MYOM1: variants seen among roughly 807,000 people sequenced by gnomAD.
MYOM1 encodes myomesin-1.
A neutral mutation model predicts 205.3 loss-of-function variants in MYOM1; 164 were observed. The ratio of observed to expected loss-of-function variants is 0.80; its 90% CI spans 0.70 to 0.91. The LOEUF is 0.91. MYOM1 is among the 40% of genes least tolerant of loss of function. The pLI is 0.00. For missense variants in MYOM1, 2,011 were observed against 2,127.3 expected (o/e 0.95, Z 1.08); for synonymous variants, 772 against 789.4 (o/e 0.98, Z 0.37).
chr18:3,238,604 G>C, the MYOM1 span, among the ~76,000 whole-genome samples: 1 of 152,102 alleles, frequency 6.6e-6, no homozygotes, highest in Non-Finnish European at 1.5e-5. Context: ...TTTGTGATAC[G>C]GTACATTAGT....
chr18:3,111,583 TTAAA>T (rs1432898222), intron 22 of MYOM1, among the ~76,000 whole-genome samples: 2 of 152,188 alleles, frequency 1.3e-5, no homozygotes, highest in African/African-American at 2.4e-5. Flanking sequence ...TTTTATATTT[TTAAA>T]TAGTTGAAAA....
the MYOM1 span, among the ~76,000 whole-genome samples, chr18:3,229,136 C>A: frequency 1.3e-5 from 2 of 152,222 alleles, no homozygotes; most frequent in Non-Finnish European, 2.9e-5. Flanking sequence ...TTTATCACCT[C>A]TCTGTGACTT....
chr18:3,074,762 T>C (rs1358018109), intron 36 of MYOM1, among the ~76,000 whole-genome samples: 1 of 152,178 alleles, frequency 6.6e-6, no homozygotes, highest in East Asian at 1.9e-4. Context: ...CAAGTTACAG[T>C]GAATTACTTG....
chr18:3,169,347 C>G (rs1312956428), intron 8 of MYOM1, among the ~76,000 whole-genome samples: 1 of 152,204 alleles, frequency 6.6e-6, no homozygotes, highest in Admixed American at 6.5e-5. Flanking sequence ...TTAAACTCTA[C>G]TGCTTGTACT....
rs1055683085 is a variant in MYOM1, at chr18:3,174,346, C to T, written c.1023-138G>A. ...ACATGGCTCTTTGGTTCTCCTGGTA[C>T]AGCTATTTGTCTCTGATCTAGCTAC... On this transcript the variant is annotated intron_variant, in intron 6 of 37. Transcript: ENST00000356443. 10 of 694,034 alleles carry T rather than the reference C, an allele frequency of 1.4e-5. No individual in the cohort carries two copies. In the Admixed American group the frequency reaches 2.2e-4, roughly 15 times the overall value. The allele number at this position is 694,034 out of a possible 1,614,324, so 43.0% of individuals were successfully genotyped here. A position where few individuals can be genotyped will look rare whatever the true frequency, so the allele number is the denominator to read the frequency against.
At chr18:3,104,978 A>C (rs1215901906) in intron 22 of MYOM1, among the ~76,000 whole-genome samples, 1 of 151,932 alleles carries the variant, frequency 6.6e-6, no homozygotes, top group Non-Finnish European at 1.5e-5. Flanking sequence ...CAAACTCCTG[A>C]GCTCAAGTGA....
At chr18:3,160,837 C>T (rs1440309338) in intron 10 of MYOM1, among the ~76,000 whole-genome samples, 1 of 152,154 alleles carries the variant, frequency 6.6e-6, no homozygotes, top group Admixed American at 6.6e-5. Flanking sequence ...AATTGGAACA[C>T]CTTCGCCCCA....
chr18:3,095,849 G>A (rs746349773), intron 25 of MYOM1, among the ~76,000 whole-genome samples: 1 of 152,170 alleles, frequency 6.6e-6, no homozygotes, highest in Non-Finnish European at 1.5e-5. Flanking sequence ...GGCAGCAAGG[G>A]CAGAGGCTAA....
the MYOM1 span, chr18:3,246,843 AG>A: frequency 6.6e-6 from 1 of 152,232 alleles, no homozygotes; most frequent in East Asian, 1.9e-4. Context: ...CAGAGAGCTG[AG>A]GGGGCCAGAA....
chr18:3,117,096 G>C (rs1381810842), intron 20 of MYOM1, among the ~76,000 whole-genome samples: 2 of 152,252 alleles, frequency 1.3e-5, no homozygotes, highest in South Asian at 4.1e-4. Flanking sequence ...GGTTCAAGTG[G>C]TTCTTCTGCC....
intron 1 of MYOM1, 88 bp from the exon 2 acceptor site, chr18:3,215,339 C>G: frequency 9.1e-7 from 1 of 1,094,082 alleles, no homozygotes; most frequent in Non-Finnish European, 1.3e-6. Context: ...AAAATCAATA[C>G]TCTTGGCTGG....
At chr18:3,193,716 T>C (rs1185836087) in intron 3 of MYOM1, 102 bp downstream of exon 3, 1 of 1,247,532 alleles carries the variant, frequency 8.0e-7, no homozygotes, top group Non-Finnish European at 1.1e-6. Flanking sequence ...AGCTGCTATT[T>C]CTATAATCTG....
At chr18:3,137,338 A>C (rs776241209) in intron 14 of MYOM1, among the ~76,000 whole-genome samples, 1 of 152,202 alleles carries the variant, frequency 6.6e-6, no homozygotes, top group African/African-American at 2.4e-5. Context: ...ATCCAAAAGA[A>C]AGAAAATCAG....
chr18:3,238,452 G>A, the MYOM1 span, among the ~76,000 whole-genome samples: 2 of 151,420 alleles, frequency 1.3e-5, no homozygotes, highest in Non-Finnish European at 2.9e-5. Context: ...GAAATTTCAT[G>A]TTATGTACAT....
chr18:3,188,958 G>A lies in MYOM1; in HGVS notation c.561C>T (p.Ser187=), dbSNP rs1292897280. ...GITTSKQSTA[S]KQTTASKQST... The stretch of plus-strand genomic sequence containing the variant: ...ACTGCTTAGATGCCGTGGTCTGCTT[G>A]GATGCCGTGGACTGTTTAGATGTTG... The change falls in exon 4 of 38, where the codon TCC becomes TCT. Residue 187 remains serine (S), a synonymous_variant. Transcript: ENST00000356443. 1 of 1,612,382 alleles carries A rather than the reference G, an allele frequency of 6.2e-7. No individual in the cohort carries two copies. The highest frequency in any genetic ancestry group is 8.5e-7 in the Non-Finnish European group (1 of 1,179,386).
upstream of MYOM1, chr18:3,219,991 C>A (rs1486529980): frequency 6.6e-6 from 1 of 152,210 alleles, no homozygotes; most frequent in Non-Finnish European, 1.5e-5. This position sits in a 1 kb window ranked among gnomAD's most constrained non-coding sequence, Gnocchi z 4.4. Flanking sequence ...ACACAACCAG[C>A]CTTTTATGGC....
chr18:3,214,353 G>C (rs6506085), intron 2 of MYOM1, among the ~76,000 whole-genome samples: 129,909 of 152,162 alleles, frequency 0.85, 55,757 homozygotes, highest in African/African-American at 0.96. Context: ...GGCAAAATTT[G>C]CCTGCTCTTA....
chr18:3,228,495 T>C, the MYOM1 span, among the ~76,000 whole-genome samples: 13,205 of 151,836 alleles, frequency 0.087, 644 homozygotes, highest in African/African-American at 0.13. The surrounding 1 kb of genome is among the most constrained non-coding windows in gnomAD (Gnocchi z 4.5). Context: ...TGTGTTACTT[T>C]TACAAAAATC....
chr18:3,090,923 T>G (rs2079217649), intron 26 of MYOM1, 121 bp from the exon 27 acceptor site: 4 of 1,238,902 alleles, frequency 3.2e-6, no homozygotes. Context: ...TGTTCATGCC[T>G]GTAATCCCAG....
Sources: gnomAD v4.1 joint callset for allele counts (sites outside exome capture counted in the v4.1 genomes callset) on GRCh38, gnomAD v4.1.1 for gene constraint, Gnocchi (gnomAD v3.1) non-coding constraint, MANE v1.5 for transcripts, NCBI Gene and HGNC (gene_info 2026-07-23, HGNC 2026-07-21) for gene names.